Variants in MAPK14 observed in about 807,000 individuals in gnomAD.
MAPK14 encodes CSAID-binding protein.
MAPK14 carries 16 observed loss-of-function variants against 49.6 expected under a neutral mutation model. The observed-to-expected ratio is 0.32, with a 90% CI of 0.22 to 0.49. The LOEUF (loss-of-function observed/expected upper bound fraction) is 0.49, where lower values mean the gene tolerates loss of function less well. Ranked by LOEUF, MAPK14 falls within the 20% of genes least tolerant of loss-of-function variation. The pLI is 0.99. For synonymous variants in MAPK14, 142 were observed against 158.0 expected, an observed-to-expected ratio of 0.90 and a Z score of 0.76; for missense variants, 200 against 441.2, an observed-to-expected ratio of 0.45 and a Z score of 4.90.
At chr6:36,032,809 T>G (rs1437087879) in intron 1 of MAPK14, among the ~76,000 whole-genome samples, 1 of 152,208 alleles carries the variant, frequency 6.6e-6, no homozygotes, top group East Asian at 1.9e-4. Context: ...GCTGTGCACT[T>G]TATCATCAGC....
At chr6:36,070,858 A>G (rs889314272) in intron 3 of MAPK14, among the ~76,000 whole-genome samples, 12 of 152,170 alleles carry the variant, frequency 7.9e-5, no homozygotes, top group African/African-American at 2.4e-4. Context: ...GTTTATTCTT[A>G]TAATATATTA....
At chr6:36,101,018 T>C (rs1004953008) in intron 9 of MAPK14, among the ~76,000 whole-genome samples, 2 of 152,226 alleles carry the variant, frequency 1.3e-5, no homozygotes, top group Non-Finnish European at 2.9e-5. Context: ...TCTTTTTATT[T>C]ACATGTTCAA....
Position 36,096,065 on chromosome 6 carries a change from CTG to C in MAPK14, c.762+2_762+3del. ...CTTTTGAAGAAAATCTCCTCAGAGT[CTG>C]TGAGTTGATGCTTTGTAATTATCTG... On this transcript the variant is annotated splice_donor_variant and coding_sequence_variant, in exon 9 of 12. Coordinates refer to ENST00000229794, the MANE Select transcript of MAPK14 (RefSeq NM_139012.3). LOFTEE classifies it high-confidence loss of function. 2 of 1,609,882 alleles carry C rather than the reference CTG, an allele frequency of 1.2e-6. No homozygotes were observed. The highest frequency in any genetic ancestry group is 2.7e-5 in the African/African-American group (2 of 74,938).
chr6:36,098,668 G>A (rs1765530449), intron 9 of MAPK14, among the ~76,000 whole-genome samples: 2 of 152,164 alleles, frequency 1.3e-5, no homozygotes, highest in Admixed American at 6.5e-5. Flanking sequence ...TTGACTAAAG[G>A]AGACAAAGAC....
intron 8 of MAPK14, among the ~76,000 whole-genome samples, chr6:36,079,811 T>G (rs1001997970): frequency 2.0e-5 from 3 of 152,176 alleles, no homozygotes; most frequent in African/African-American, 7.2e-5. Context: ...TGGCTAATTA[T>G]TAAGCAACTG....
At chr6:36,036,845 A>G (rs1762771283) in intron 1 of MAPK14, among the ~76,000 whole-genome samples, 1 of 152,076 alleles carries the variant, frequency 6.6e-6, no homozygotes, top group African/African-American at 2.4e-5. Flanking sequence ...GGTTCAAGCA[A>G]TTCTCCCACC....
chr6:36,059,048 C>T (rs1280911422), intron 2 of MAPK14, among the ~76,000 whole-genome samples: 2 of 152,086 alleles, frequency 1.3e-5, no homozygotes, highest in Non-Finnish European at 1.5e-5. Flanking sequence ...CGCCACCACA[C>T]CTGGCTAATG....
chr6:36,053,329 T>G (rs1224428657), intron 2 of MAPK14, among the ~76,000 whole-genome samples: 3 of 151,198 alleles, frequency 2.0e-5, no homozygotes, highest in Admixed American at 6.6e-5. Context: ...TGGCTATTAT[T>G]TTATATATTT....
chr6:36,034,406 GATATAA>G (rs1762657427), intron 1 of MAPK14, among the ~76,000 whole-genome samples: 1 of 152,184 alleles, frequency 6.6e-6, no homozygotes, highest in African/African-American at 2.4e-5. Flanking sequence ...ATAAGTATAG[GATATAA>G]ATAGAAATAA....
chr6:36,060,070 G>C (rs968355369), intron 3 of MAPK14, among the ~76,000 whole-genome samples: 2 of 152,176 alleles, frequency 1.3e-5, no homozygotes, highest in Admixed American at 6.5e-5. Context: ...GGATTCTCAG[G>C]AACCAGTAGT....
At chr6:36,034,242 C>A (rs1762651344) in intron 1 of MAPK14, among the ~76,000 whole-genome samples, 1 of 152,242 alleles carries the variant, frequency 6.6e-6, no homozygotes, top group South Asian at 2.1e-4. Flanking sequence ...ACTGATAAAT[C>A]AAAAATGCAC....
intron 8 of MAPK14, among the ~76,000 whole-genome samples, chr6:36,083,713 G>A (rs1233880592): frequency 6.6e-6 from 1 of 152,198 alleles, no homozygotes; most frequent in Non-Finnish European, 1.5e-5. Context: ...TCCCTGGGAT[G>A]GAGCCCCTGG....
downstream of MAPK14, among the ~76,000 whole-genome samples, chr6:36,111,892 G>A (rs780573800): frequency 1.3e-5 from 2 of 152,146 alleles, no homozygotes; most frequent in African/African-American, 2.4e-5. Context: ...TGTTACATGG[G>A]GTCCTTTAGC....
rs570762715 is a variant in MAPK14, at chr6:36,090,600, A to G, written c.683-5387A>G. Among the ~76,000 whole-genome samples, 4 of 147,010 alleles carry G rather than the reference A, an allele frequency of 2.7e-5. No homozygotes were observed. The Admixed American group carries it at 2.7e-4, about 10-fold the overall frequency. On this transcript the variant is annotated intron_variant, in intron 8 of 11. Transcript: ENST00000229794. ...GAGTGCAATGGCGCAATCTCTGCTC[A>G]CTGCAACCTCCACCTCCCGTGTTCA...
In MAPK14 at chr6:36,107,106, G is replaced by A. The variant is rs146559142; in HGVS notation, c.842-349G>A. Among the ~76,000 whole-genome samples, 138 of 152,220 alleles carry A rather than the reference G, an allele frequency of 9.1e-4. No individual in the cohort carries two copies. The highest frequency in any genetic ancestry group is 3.1e-3 in the African/African-American group (127 of 41,514). The stretch of plus-strand genomic sequence containing the variant: ...ATACAAAATACAGGAGGAGGGTGAG[G>A]GTTGAGAGATAACCTATCGGGTACA... On this transcript the variant is annotated intron_variant, in intron 10 of 11. Transcript: ENST00000229794. The surrounding 1 kb of genome is among the most constrained non-coding windows in gnomAD (Gnocchi z 4.3).
At chr6:36,102,790 A>G (rs1562153615) in intron 10 of MAPK14, 141 bp downstream of exon 10, 1 of 1,455,382 alleles carries the variant, frequency 6.9e-7, no homozygotes. Context: ...GGCTTTTATT[A>G]TCTATTTGTG....
chr6:36,041,189 A>G (rs1374756604), intron 1 of MAPK14, among the ~76,000 whole-genome samples: 2 of 151,324 alleles, frequency 1.3e-5, no homozygotes, highest in African/African-American at 4.9e-5. Context: ...CTTTAGTGTC[A>G]CAATGTATAC....
chr6:36,079,521 C>T (rs952344375), intron 8 of MAPK14, among the ~76,000 whole-genome samples: 8 of 152,054 alleles, frequency 5.3e-5, no homozygotes, highest in African/African-American at 1.4e-4. Context: ...AAAAAAATCT[C>T]GTAATGTTTT....
chr6:36,059,743 C>T (rs74508336), intron 3 of MAPK14, among the ~76,000 whole-genome samples: 13,223 of 152,106 alleles, frequency 0.087, 705 homozygotes, highest in Middle Eastern at 0.12. Flanking sequence ...GACTCAAGCT[C>T]CTGGGCTGTA....
Sources: gnomAD v4.1 joint callset for allele counts (sites outside exome capture counted in the v4.1 genomes callset) on GRCh38, gnomAD v4.1.1 for gene constraint, Gnocchi (gnomAD v3.1) non-coding constraint, MANE v1.5 for transcripts, NCBI Gene and HGNC (gene_info 2026-07-23, HGNC 2026-07-21) for gene names.